Variants in RIMBP2 observed in about 807,000 individuals in gnomAD.
The protein encoded by RIMBP2 is RIMS-binding protein 2.
In RIMBP2, 48 loss-of-function variants were observed where a neutral mutation model predicts 118.6. That is an observed-to-expected ratio of 0.40 (90% CI 0.32 to 0.51). The LOEUF is 0.51. RIMBP2 is among the 20% of genes least tolerant of loss of function. RIMBP2 has a pLI of 0.41. For missense variants in RIMBP2, 1,551 were observed against 1,768.3 expected (o/e 0.88, Z 2.20); for synonymous variants, 762 against 742.9 (o/e 1.03, Z -0.42).
intron 1 of RIMBP2, among the ~76,000 whole-genome samples, chr12:130,674,328 A>G (rs912698911): frequency 9.2e-5 from 14 of 152,162 alleles, no homozygotes; most frequent in Non-Finnish European, 1.8e-4. Flanking sequence ...ACCATGAGCC[A>G]ATTACGCCTC....
chr12:130,588,004 C>G (rs2140285725), intron 2 of RIMBP2, among the ~76,000 whole-genome samples: 1 of 152,134 alleles, frequency 6.6e-6, no homozygotes, highest in East Asian at 1.9e-4. Context: ...CCTCATCCAG[C>G]AAGCCGGGGT....
chr12:130,407,759 G>T lies in RIMBP2; in HGVS notation c.3660C>A (p.Asp1220Glu). The change falls in exon 20 of 23, where the codon GAC becomes GAA. Residue 1220 changes from aspartate to glutamate, a missense_variant. This residue lies in a region of RIMBP2 where 1,038 missense variants were observed against 1,125.1 expected (regional missense o/e 0.92). Transcript: ENST00000690449. The part of the protein sequence containing the change: ...TRRMVALYDY[D>E]PRESSPNVDV... ...CGACGTTGGGCGAGCTTTCTCTGGG[G>T]TCGTAGTCATACAGGGCCACCATTC... The T allele has an allele frequency of 6.2e-7, 1 of 1,614,172 alleles. No individual in the cohort carries two copies. The highest frequency in any genetic ancestry group is 8.5e-7 in the Non-Finnish European group (1 of 1,179,994).
rs369769531 is a variant in RIMBP2 at position 130,535,443 on chromosome 12, G to A, written c.-216-17526C>T. Among the ~76,000 whole-genome samples the A allele has an allele frequency of 1.7e-4, 26 of 152,198 alleles. 1 individual carries two copies. In the East Asian group the frequency reaches 4.4e-3, roughly 26 times the overall value. ...GCAGGAGGATCGCTTGAGCCCAGGA[G>A]GTCAAGGCTGCAGTGAGCCAAGATC... On this transcript the variant is annotated intron_variant, in intron 2 of 22. Coordinates refer to ENST00000690449, the MANE Select transcript of RIMBP2 (RefSeq NM_001393629.1).
chr12:130,595,657 C>T (rs1323390841), intron 2 of RIMBP2, among the ~76,000 whole-genome samples: 4 of 116,638 alleles, frequency 3.4e-5, no homozygotes, highest in Non-Finnish European at 1.8e-5. Context: ...GCTTCTGCAG[C>T]GGCAAAGAGC....
chr12:130,538,110 T>C (rs1593707972), intron 2 of RIMBP2, among the ~76,000 whole-genome samples: 4 of 152,154 alleles, frequency 2.6e-5, no homozygotes, highest in Non-Finnish European at 5.9e-5. Context: ...AGGAAGGAGA[T>C]GATCCAAGAT....
intron 4 of RIMBP2, among the ~76,000 whole-genome samples, chr12:130,489,608 C>T (rs1241350513): frequency 6.6e-6 from 1 of 152,174 alleles, no homozygotes; most frequent in Non-Finnish European, 1.5e-5. Flanking sequence ...GGTCTCTGCT[C>T]CTGACTCTGA....
At chr12:130,404,275 A>G (rs2074944384) in intron 21 of RIMBP2, among the ~76,000 whole-genome samples, 1 of 152,194 alleles carries the variant, frequency 6.6e-6, no homozygotes, top group African/African-American at 2.4e-5. Flanking sequence ...AAAATCATTC[A>G]CAATCATAAT....
intron 2 of RIMBP2, among the ~76,000 whole-genome samples, chr12:130,558,095 T>C (rs1159496753): frequency 6.6e-6 from 1 of 152,184 alleles, no homozygotes; most frequent in Non-Finnish European, 1.5e-5. Flanking sequence ...TGAGCTGTAA[T>C]GATTACTATG....
chr12:130,700,505 C>T (rs2632596), intron 1 of RIMBP2, among the ~76,000 whole-genome samples: 59,154 of 151,940 alleles, frequency 0.39, 14,135 homozygotes, highest in African/African-American at 0.67. Context: ...CTCAATCCAA[C>T]GAGAATGTCC....
intron 4 of RIMBP2, among the ~76,000 whole-genome samples, chr12:130,480,661 CAG>C (rs2081911442): frequency 2.0e-5 from 3 of 152,008 alleles, no homozygotes; most frequent in African/African-American, 7.2e-5. Flanking sequence ...AGTACAGTGG[CAG>C]GATCTTGGCT....
intron 1 of RIMBP2, among the ~76,000 whole-genome samples, chr12:130,677,733 G>A (rs2064562358): frequency 6.6e-6 from 1 of 152,090 alleles, no homozygotes; most frequent in Admixed American, 6.5e-5. Flanking sequence ...TGTCCATCAG[G>A]GCCCCACTAG....
At chr12:130,524,833 T>C (rs1445746555) in intron 2 of RIMBP2, among the ~76,000 whole-genome samples, 1 of 152,080 alleles carries the variant, frequency 6.6e-6, no homozygotes, top group African/African-American at 2.4e-5. Flanking sequence ...TGAAATAGCA[T>C]GGCTTGGTGA....
At chr12:130,407,953 G>C (rs1009457263) in intron 19 of RIMBP2, 124 bp from the exon 20 acceptor site, 12 of 791,072 alleles carry the variant, frequency 1.5e-5, no homozygotes, top group Non-Finnish European at 2.4e-5. Flanking sequence ...ACAGGGCCAC[G>C]TGCTCCTGGG....
chr12:130,713,940 G>T (rs923696310), intron 1 of RIMBP2, among the ~76,000 whole-genome samples: 4 of 152,178 alleles, frequency 2.6e-5, no homozygotes, highest in Non-Finnish European at 4.4e-5. Flanking sequence ...CTCAAAGTGG[G>T]GTCCCTGGAT....
intron 2 of RIMBP2, among the ~76,000 whole-genome samples, chr12:130,608,198 T>C (rs2060300913): frequency 6.6e-6 from 1 of 152,146 alleles, no homozygotes; most frequent in African/African-American, 2.4e-5. Context: ...TGGTTTCTGT[T>C]GTGAATGGGC....
chr12:130,438,247 C>A, intron 12 of RIMBP2, 118 bp downstream of exon 12: 1 of 1,151,744 alleles, frequency 8.7e-7, no homozygotes, highest in Non-Finnish European at 1.3e-6. Flanking sequence ...GTTGAGGGTG[C>A]CTCCAGTGAT....
rs368620279 is a variant in RIMBP2 at position 130,540,439 on chromosome 12, G to T, written c.-216-22522C>A. On this transcript the variant is annotated intron_variant, in intron 2 of 22. Coordinates refer to ENST00000690449, the MANE Select transcript of RIMBP2 (RefSeq NM_001393629.1). Reference sequence around the variant, plus strand: ...TTTATGGATTCTTTGAAAAAACTTAGAAAATGATCCTCCCAGTCTTGAAAC... The same window carrying T: ...TTTATGGATTCTTTGAAAAAACTTATAAAATGATCCTCCCAGTCTTGAAAC... 2.6e-5 allele frequency among the ~76,000 whole-genome samples: 4 copies of T among 152,284 alleles called. No individual in the cohort carries two copies. The East Asian group carries it at 7.7e-4, about 29-fold the overall frequency.
intron 1 of RIMBP2, among the ~76,000 whole-genome samples, chr12:130,702,085 C>A (rs926454985): frequency 1.3e-5 from 2 of 152,180 alleles, no homozygotes; most frequent in African/African-American, 4.8e-5. Context: ...GACACATACT[C>A]TTCCTAACTA....
intron 1 of RIMBP2, among the ~76,000 whole-genome samples, chr12:130,707,621 C>T (rs1334558618): frequency 6.6e-6 from 1 of 152,076 alleles, no homozygotes; most frequent in East Asian, 1.9e-4. Flanking sequence ...CAGAAGCTTC[C>T]AAGAGTGGGC....
Sources: allele counts gnomAD v4.1 joint callset (sites outside exome capture counted in the v4.1 genomes callset), GRCh38; gene constraint gnomAD v4.1.1; regional missense constraint gnomAD v4.1.1; transcripts MANE v1.5; gene names NCBI Gene and HGNC (gene_info 2026-07-23, HGNC 2026-07-21).